Variants in ADGRL2 observed in about 807,000 individuals in gnomAD.
ADGRL2 encodes the protein calcium-independent alpha-latrotoxin receptor 2.
ADGRL2 carries 44 observed loss-of-function variants against 157.4 expected under a neutral mutation model. The ratio of observed to expected loss-of-function variants is 0.28; its 90% CI spans 0.22 to 0.36. The LOEUF (loss-of-function observed/expected upper bound fraction) is 0.36. Ranked by LOEUF, ADGRL2 falls within the 10% of genes least tolerant of loss-of-function variation. The probability of loss-of-function intolerance (pLI) is 1.00; values close to 1 mark genes in which losing one functional copy is unlikely to be tolerated. For missense variants in ADGRL2, 1,510 were observed against 1,768.9 expected, an observed-to-expected ratio of 0.85 and a Z score of 2.63; for synonymous variants, 585 against 624.7, an observed-to-expected ratio of 0.94 and a Z score of 0.95.
intron 3 of ADGRL2, among the ~76,000 whole-genome samples, chr1:81,599,522 A>G (rs2081297647): frequency 6.6e-6 from 1 of 151,488 alleles, no homozygotes; most frequent in African/African-American, 2.4e-5. Context: ...TGTCTGAGAA[A>G]GATTTTCATG....
rs1436217880 is a variant in ADGRL2 at position 81,461,934 on chromosome 1, G to GGA, written c.-248+16846_-248+16847insAG. 8.3e-5 allele frequency among the ~76,000 whole-genome samples: 12 copies of GGA among 143,828 alleles called. 2 individuals are homozygous for GGA. The highest frequency in any genetic ancestry group is 3.2e-3 in the Middle Eastern group (1 of 308). 94.4% of individuals were successfully genotyped at this position (143,828 alleles called of 152,430 possible). ...AAAGAAGGAAGAAAAGAAGAAAGGG[G>GGA]GGGGGGGGTGGTGGAGAAAGAGAGA... On this transcript the variant is annotated intron_variant, in intron 2 of 24. Coordinates refer to the ADGRL2 transcript ENST00000370721.
chr1:81,333,602 A>T (rs1661427531), intron 1 of ADGRL2, among the ~76,000 whole-genome samples: 1 of 151,848 alleles, frequency 6.6e-6, no homozygotes, highest in African/African-American at 2.4e-5. Context: ...TTTTTAGTAG[A>T]GACAGGTGTT....
chr1:81,473,782 G>C (rs896649859), intron 2 of ADGRL2, among the ~76,000 whole-genome samples: 1 of 148,544 alleles, frequency 6.7e-6, no homozygotes. Context: ...GGGATGTGAG[G>C]TTTTTTTTTT....
chr1:81,381,769 T>C (rs974139964), intron 1 of ADGRL2, among the ~76,000 whole-genome samples: 1 of 152,210 alleles, frequency 6.6e-6, no homozygotes, highest in African/African-American at 2.4e-5. Context: ...AAATTAAACC[T>C]TATGTGGTTG....
chr1:81,916,745 G>C (rs1002474016), intron 3 of ADGRL2, among the ~76,000 whole-genome samples: 3 of 151,772 alleles, frequency 2.0e-5, no homozygotes, highest in African/African-American at 7.3e-5. Context: ...ATAAATAATA[G>C]CAAACATAAT....
intron 1 of ADGRL2, among the ~76,000 whole-genome samples, chr1:81,724,519 C>T (rs994985209): frequency 2.6e-5 from 4 of 152,032 alleles, no homozygotes; most frequent in Non-Finnish European, 2.9e-5. Flanking sequence ...TGTAATCCTA[C>T]CCCCACCTCC....
At chr1:81,358,138 C>A (rs1663451351) in intron 1 of ADGRL2, among the ~76,000 whole-genome samples, 1 of 152,202 alleles carries the variant, frequency 6.6e-6, no homozygotes, top group African/African-American at 2.4e-5. Flanking sequence ...CCCTTGTCAA[C>A]ATAATTTGTT....
intron 1 of ADGRL2, among the ~76,000 whole-genome samples, chr1:81,807,068 T>C (rs2089253986): frequency 1.3e-5 from 2 of 152,104 alleles, no homozygotes; most frequent in Middle Eastern, 3.4e-3. Context: ...AAAAAAATGG[T>C]TCTTCAAGAT....
At chr1:81,348,153 A>G (rs77456056) in intron 1 of ADGRL2, among the ~76,000 whole-genome samples, 8,642 of 152,222 alleles carry the variant, frequency 0.057, 333 homozygotes, top group Non-Finnish European at 0.084. Context: ...TTGACACCCC[A>G]TAAGCCTGGA....
Position 81,985,302 on chromosome 1 carries a change from CAG to C in ADGRL2, c.3457_3458del (p.Glu1153IlefsTer7). On this transcript the variant is annotated frameshift_variant, in exon 21 of 24. Transcript: ENST00000686636. LOFTEE classifies it high-confidence loss of function. The stretch of plus-strand genomic sequence containing the variant: ...TGGAATGATACTGTGAGAAAACAAT[CAG>C]AATCTTCTTTTATCTCAGGTGACAT... 6.2e-7 allele frequency: 1 copy of C among 1,606,562 alleles called. No individual in the cohort carries two copies. Among genetic ancestry groups the C allele is most frequent in the Non-Finnish European group, 8.5e-7 (1 of 1,174,722 alleles).
At chr1:81,902,616 G>A (rs1207054146) in intron 2 of ADGRL2, among the ~76,000 whole-genome samples, 1 of 151,762 alleles carries the variant, frequency 6.6e-6, no homozygotes, top group Admixed American at 6.6e-5. Flanking sequence ...AGAAAACAAA[G>A]GGTGGGGGGC....
intron 1 of ADGRL2, among the ~76,000 whole-genome samples, chr1:81,362,003 G>C (rs2075988082): frequency 6.6e-6 from 1 of 151,608 alleles, no homozygotes; most frequent in Non-Finnish European, 1.5e-5. Context: ...TGGTCCTCTT[G>C]GTTTGTGTTT....
chr1:81,349,854 G>A (rs1662754217), intron 1 of ADGRL2, among the ~76,000 whole-genome samples: 3 of 151,604 alleles, frequency 2.0e-5, no homozygotes, highest in Admixed American at 2.0e-4. Context: ...TAGGAAGGCG[G>A]GAGGGAAAAA....
intron 1 of ADGRL2, among the ~76,000 whole-genome samples, chr1:81,422,433 C>A (rs963959487): frequency 7.2e-5 from 11 of 152,090 alleles, no homozygotes; most frequent in Admixed American, 2.0e-4. Flanking sequence ...TCAGTGGAGA[C>A]GGGGTTTCAC....
chr1:81,711,025 C>T (rs2083910300), intron 1 of ADGRL2, among the ~76,000 whole-genome samples: 1 of 152,128 alleles, frequency 6.6e-6, no homozygotes, highest in African/African-American at 2.4e-5. Flanking sequence ...AGTATTGTTT[C>T]ACTGAGTTAT....
chr1:81,633,342 T>G (rs1022439283), intron 3 of ADGRL2, among the ~76,000 whole-genome samples: 3 of 152,032 alleles, frequency 2.0e-5, no homozygotes, highest in Non-Finnish European at 4.4e-5. Context: ...ATGCTTGTAA[T>G]CCCAGCACTT....
chr1:81,879,076 C>A (rs1471516504), intron 2 of ADGRL2, among the ~76,000 whole-genome samples: 3 of 152,110 alleles, frequency 2.0e-5, no homozygotes, highest in African/African-American at 7.2e-5. Context: ...TTCCTTTACC[C>A]CTTCAATGAA....
intron 1 of ADGRL2, among the ~76,000 whole-genome samples, chr1:81,833,087 G>A (rs1308064799): frequency 6.6e-6 from 1 of 152,126 alleles, no homozygotes; most frequent in Non-Finnish European, 1.5e-5. Context: ...CAGAAAAGCG[G>A]CTCTTGTTAG....
chr1:81,530,766 G>A (rs1419049606), intron 2 of ADGRL2, among the ~76,000 whole-genome samples: 5 of 152,126 alleles, frequency 3.3e-5, no homozygotes, highest in African/African-American at 1.2e-4. Flanking sequence ...ATGAGCTGGA[G>A]AAGAAATAGA....
Sources: gnomAD v4.1 joint callset for allele counts (sites outside exome capture counted in the v4.1 genomes callset) on GRCh38, gnomAD v4.1.1 for gene constraint, MANE v1.5 for transcripts, NCBI Gene and HGNC (gene_info 2026-07-23, HGNC 2026-07-21) for gene names.